Variants in CLTB observed in about 807,000 individuals in gnomAD.
The protein encoded by CLTB is clathrin light chain B.
In CLTB, 10 loss-of-function variants were observed where a neutral mutation model predicts 30.5. The ratio of observed to expected loss-of-function variants is 0.33; its 90% confidence interval spans 0.20 to 0.56. The LOEUF is 0.56. CLTB is among the 20% of genes least tolerant of loss of function. The pLI, the probability that CLTB is intolerant of heterozygous loss-of-function variation, is 0.91. For missense variants in CLTB, 261 were observed against 308.3 expected (o/e 0.85, Z 1.15); for synonymous variants, 102 against 120.3 (o/e 0.85, Z 1.00).
At chr5:176,407,317 C>CT (rs967415076) in intron 2 of CLTB, among the ~76,000 whole-genome samples, 9 of 152,248 alleles carry the variant, frequency 5.9e-5, no homozygotes, top group African/African-American at 2.2e-4. Context: ...TAGGTACTTT[C>CT]TTTTTTGAGA....
chr5:176,406,638 T>C lies in CLTB; in HGVS notation c.234+3619A>G, dbSNP rs575557440. Reference sequence around the variant, plus strand: ...GCTGTGCCAAATGGAACTGGAATAGTTGTGGGCAGGCTCGTCCTTAGGCTG... The same window carrying C: ...GCTGTGCCAAATGGAACTGGAATAGCTGTGGGCAGGCTCGTCCTTAGGCTG... On this transcript the variant is annotated intron_variant, in intron 2 of 5. Coordinates refer to ENST00000310418, the MANE Select transcript of CLTB (RefSeq NM_007097.5). 3.9e-6 allele frequency: 5 copies of C among 1,289,332 alleles called. No homozygotes were observed. In the South Asian group the frequency reaches 6.2e-5, roughly 16 times the overall value. 79.9% of individuals were successfully genotyped at this position (1,289,332 alleles called of 1,614,324 possible).
chr5:176,396,454 A>G, intron 5 of CLTB, 25 bp downstream of exon 5: 3 of 1,603,764 alleles, frequency 1.9e-6, no homozygotes, highest in Non-Finnish European at 2.6e-6. Context: ...AGCTCCCCCA[A>G]CAGAGAAGCA....
At chr5:176,409,603 C>T (rs368576964) in intron 2 of CLTB, among the ~76,000 whole-genome samples, 27 of 151,882 alleles carry the variant, frequency 1.8e-4, no homozygotes, top group South Asian at 6.2e-4. Context: ...TTAGTAAAGA[C>T]GGGGTTTCAC....
At chr5:176,408,964 T>C (rs889475377) in intron 2 of CLTB, among the ~76,000 whole-genome samples, 3 of 152,164 alleles carry the variant, frequency 2.0e-5, no homozygotes, top group African/African-American at 2.4e-5. Flanking sequence ...CTTTCAGATA[T>C]GTAGTGCAAA....
chr5:176,403,082 C>T (rs1321996496), intron 2 of CLTB, among the ~76,000 whole-genome samples: 1 of 149,636 alleles, frequency 6.7e-6, no homozygotes, highest in Non-Finnish European at 1.5e-5. Flanking sequence ...CGGAGTCTCG[C>T]TCTGTCGCCC....
chr5:176,397,346 CCCCTCTCATGTCCCCACAGCT>C (rs1561792358), intron 4 of CLTB, among the ~76,000 whole-genome samples: 62 of 145,058 alleles, frequency 4.3e-4, no homozygotes, highest in African/African-American at 1.3e-3. Context: ...GTCCCCACAG[CCCCTCTCATGTCCCCACAGCT>C]CCCTCTCATG....
At chr5:176,398,225 G>A (rs770853769) in intron 2 of CLTB, among the ~76,000 whole-genome samples, 178 bp from the exon 3 acceptor site, 5 of 152,096 alleles carry the variant, frequency 3.3e-5, no homozygotes, top group Non-Finnish European at 5.9e-5. Context: ...GCAACACTCC[G>A]CCACCTGTGT....
At chr5:176,407,148 G>A (rs891328487) in intron 2 of CLTB, among the ~76,000 whole-genome samples, 1 of 152,176 alleles carries the variant, frequency 6.6e-6, no homozygotes, top group South Asian at 2.1e-4. Flanking sequence ...GCTCACCCAC[G>A]GCTGACAGGT....
chr5:176,404,530 T>C (rs1757004280), intron 2 of CLTB, among the ~76,000 whole-genome samples: 1 of 152,238 alleles, frequency 6.6e-6, no homozygotes, highest in Admixed American at 6.5e-5. Flanking sequence ...CCAGGTCTTC[T>C]GACTCCATCT....
chr5:176,401,673 A>G (rs1429888492), intron 2 of CLTB: 4 of 453,004 alleles, frequency 8.8e-6, no homozygotes, highest in Non-Finnish European at 1.8e-5. Context: ...ATCGTCACTC[A>G]CTCGCTCGCC....
In CLTB at chr5:176,416,252, T is replaced by G; in HGVS notation, c.112A>C (p.Ile38Leu). ...GCCCCGAAGCCCTCGTCGTTCTCTA[T>G]GCCTGCAATCTCGCTCTCCTGCTGG... is the stretch of plus-strand genomic sequence containing the variant. Reference protein sequence around the residue: ...LAQQESEIAGIENDEGFGAPA... With the variant: ...LAQQESEIAGLENDEGFGAPA... The change falls in exon 1 of 6, where the codon ATA becomes CTA. Residue 38 changes from isoleucine (I) to leucine (L), a missense_variant. Transcript: ENST00000310418. 1 of 1,602,684 alleles carries G rather than the reference T, an allele frequency of 6.2e-7. No individual in the cohort carries two copies. Among genetic ancestry groups the G allele is most frequent in the Non-Finnish European group, 8.5e-7 (1 of 1,176,308 alleles).
chr5:176,412,932 G>T (rs940203722), intron 1 of CLTB, among the ~76,000 whole-genome samples: 3 of 152,022 alleles, frequency 2.0e-5, no homozygotes, highest in Admixed American at 6.6e-5. Context: ...TGTACATTTG[G>T]CCTTCTCGAG....
intron 1 of CLTB, among the ~76,000 whole-genome samples, chr5:176,415,249 G>A (rs1458258180): frequency 1.3e-5 from 2 of 152,074 alleles, no homozygotes; most frequent in Non-Finnish European, 2.9e-5. Context: ...CCATTAAGTC[G>A]ACAACTACAA....
chr5:176,395,893 G>A (rs896909493), intron 5 of CLTB, among the ~76,000 whole-genome samples: 1 of 152,182 alleles, frequency 6.6e-6, no homozygotes, highest in Non-Finnish European at 1.5e-5. Flanking sequence ...CCAGCACTTT[G>A]GGAGGCCGAG....
intron 2 of CLTB, 42 bp downstream of exon 2, chr5:176,410,215 G>C (rs992098811): frequency 6.3e-7 from 1 of 1,576,894 alleles, no homozygotes; most frequent in Non-Finnish European, 8.7e-7. Context: ...CTGAGACCAG[G>C]GCTGTTGGTC....
chr5:176,397,663 C>T lies in CLTB; in HGVS notation c.408G>A (p.Leu136=). The change falls in exon 4 of 6, where the codon CTG becomes CTA. Residue 136 remains leucine (L), a synonymous_variant. Transcript: ENST00000310418. ...QEWREKAKKD[L]EEWNQRQSEQ... is the part of the protein sequence containing the mutation. ...CACTCTGGCGCTGGTTCCACTCCTCCAGGTCCTTCTTGGCCTTCTCCCGCC... is the reference window on the plus strand; with the variant it reads ...CACTCTGGCGCTGGTTCCACTCCTCTAGGTCCTTCTTGGCCTTCTCCCGCC... The T allele has an allele frequency of 6.2e-7, 1 of 1,613,574 alleles. No individual in the cohort carries two copies.
chr5:176,410,552 A>T (rs976833126), intron 1 of CLTB, among the ~76,000 whole-genome samples: 1 of 152,124 alleles, frequency 6.6e-6, no homozygotes. Context: ...TTGTCAACCC[A>T]TTTTACAGAT....
At chr5:176,396,933 A>G (rs1756552165) in intron 4 of CLTB, among the ~76,000 whole-genome samples, 1 of 151,966 alleles carries the variant, frequency 6.6e-6, no homozygotes, top group African/African-American at 2.4e-5. Flanking sequence ...CAGGTCTAGA[A>G]TGCCCCCCTA....
intron 1 of CLTB, among the ~76,000 whole-genome samples, chr5:176,415,435 C>CTCT (rs1757644872): frequency 6.6e-6 from 1 of 152,136 alleles, no homozygotes; most frequent in African/African-American, 2.4e-5. Context: ...GTAATCCCAA[C>CTCT]ACTTTAGGAG....
Sources: allele counts gnomAD v4.1 joint callset (sites outside exome capture counted in the v4.1 genomes callset), GRCh38; gene constraint gnomAD v4.1.1; transcripts MANE v1.5; gene names NCBI Gene and HGNC (gene_info 2026-07-23, HGNC 2026-07-21).